TRPM3: variants seen among roughly 807,000 people sequenced by gnomAD.
TRPM3 encodes long transient receptor potential channel 3.
TRPM3 carries 77 observed loss-of-function variants against 181.2 expected under a neutral mutation model. That is an observed-to-expected ratio of 0.42 (90% confidence interval 0.35 to 0.51). The LOEUF is 0.51. Ranked by LOEUF, TRPM3 falls within the 20% of genes least tolerant of loss-of-function variation. The pLI, the probability that TRPM3 is intolerant of heterozygous loss-of-function variation, is 0.01. For missense variants in TRPM3, 1,759 were observed against 2,196.7 expected (o/e 0.80, Z 3.98); for synonymous variants, 745 against 796.4 (o/e 0.94, Z 1.09).
chr9:70,766,736 T>C (rs946758279), intron 7 of TRPM3, among the ~76,000 whole-genome samples: 13 of 152,242 alleles, frequency 8.5e-5, no homozygotes, highest in Admixed American at 8.5e-4. Context: ...CCAAATGTCA[T>C]GACTCTGGTA....
intron 1 of TRPM3, among the ~76,000 whole-genome samples, chr9:71,336,240 G>A (rs1312691792): frequency 6.7e-6 from 1 of 149,766 alleles, no homozygotes; most frequent in Non-Finnish European, 1.5e-5. Context: ...TCCTTAAGCT[G>A]ATAAGCAACT....
At chr9:71,026,481 C>T (rs891693754) in intron 1 of TRPM3, among the ~76,000 whole-genome samples, 1 of 152,200 alleles carries the variant, frequency 6.6e-6, no homozygotes, top group African/African-American at 2.4e-5. Flanking sequence ...TGTACTCGCC[C>T]ATGGCCACCA....
chr9:70,782,199 ATT>A (rs11341566), intron 7 of TRPM3, among the ~76,000 whole-genome samples: 3 of 149,618 alleles, frequency 2.0e-5, no homozygotes, highest in Non-Finnish European at 4.4e-5. Context: ...ACCTTGGTTA[ATT>A]TTTTTTTTCT....
intron 1 of TRPM3, among the ~76,000 whole-genome samples, chr9:70,990,466 T>C (rs1303742591): frequency 6.6e-6 from 1 of 152,156 alleles, no homozygotes; most frequent in Non-Finnish European, 1.5e-5. Flanking sequence ...GATAGAAGCT[T>C]TCAGTTCAAG....
At chr9:71,348,458 T>TA (rs779226789) in intron 1 of TRPM3, among the ~76,000 whole-genome samples, 1 of 402 alleles carries the variant, frequency 2.5e-3, no homozygotes, top group Non-Finnish European at 0.029. Context: ...ACTTTTCCCA[T>TA]TTTTTTTTTT....
intron 1 of TRPM3, chr9:70,917,143 A>C (rs1397553028): frequency 1.2e-6 from 2 of 1,605,726 alleles, no homozygotes; most frequent in Non-Finnish European, 1.7e-6. Context: ...GTTCGGCCAC[A>C]TCTGGGGCAT....
chr9:71,206,510 A>G (rs1224052544), intron 1 of TRPM3, among the ~76,000 whole-genome samples: 2 of 152,090 alleles, frequency 1.3e-5, no homozygotes, highest in African/African-American at 4.8e-5. Flanking sequence ...GACAGACTGC[A>G]AAAATTTTCT....
chr9:71,022,120 C>A (rs1019427907), intron 1 of TRPM3, among the ~76,000 whole-genome samples: 1 of 152,116 alleles, frequency 6.6e-6, no homozygotes, highest in Non-Finnish European at 1.5e-5. Context: ...TGGGAGGATT[C>A]ATTCTACCTG....
chr9:71,265,175 C>T (rs1468846491), intron 1 of TRPM3, among the ~76,000 whole-genome samples: 1 of 152,140 alleles, frequency 6.6e-6, no homozygotes, highest in African/African-American at 2.4e-5. Context: ...TAAAGCCACT[C>T]ATATTACTTA....
chr9:71,109,114 C>T (rs1193945940), intron 1 of TRPM3, among the ~76,000 whole-genome samples: 1 of 152,210 alleles, frequency 6.6e-6, no homozygotes, highest in African/African-American at 2.4e-5. Flanking sequence ...CCTGGTTCTA[C>T]AGCAGACTCG....
chr9:70,957,020 G>T (rs1326610473), intron 1 of TRPM3, among the ~76,000 whole-genome samples: 2 of 149,614 alleles, frequency 1.3e-5, no homozygotes, highest in Non-Finnish European at 3.0e-5. Flanking sequence ...AAGTGCAGTG[G>T]CATGATCTCG....
At chr9:70,746,744 T>C (rs895253419) in intron 8 of TRPM3, among the ~76,000 whole-genome samples, 8 of 152,148 alleles carry the variant, frequency 5.3e-5, no homozygotes, top group African/African-American at 1.7e-4. Flanking sequence ...CCAAGTATGA[T>C]AGATTCCAGA....
chr9:71,417,747 C>T (rs890967365), intron 1 of TRPM3, among the ~76,000 whole-genome samples: 2 of 151,938 alleles, frequency 1.3e-5, no homozygotes, highest in African/African-American at 4.8e-5. Flanking sequence ...ACTAGAAATA[C>T]TCTTTCTAAT....
At chr9:71,409,757 C>T (rs746700253) in intron 1 of TRPM3, among the ~76,000 whole-genome samples, 6 of 152,080 alleles carry the variant, frequency 3.9e-5, no homozygotes, top group Non-Finnish European at 5.9e-5. Flanking sequence ...ACCAAGTGGA[C>T]CTAAGAGACA....
chr9:70,583,375 T>C (rs950808712), intron 22 of TRPM3, among the ~76,000 whole-genome samples: 5 of 152,188 alleles, frequency 3.3e-5, no homozygotes, highest in Admixed American at 6.5e-5. Context: ...AGTGGCCAGG[T>C]TACCTATGAC....
At chr9:70,744,573 A>G (rs1432159367) in intron 8 of TRPM3, among the ~76,000 whole-genome samples, 1 of 152,092 alleles carries the variant, frequency 6.6e-6, no homozygotes, top group Non-Finnish European at 1.5e-5. Flanking sequence ...TTTGGAATGG[A>G]ATTGTGTAAA....
Position 70,625,603 on chromosome 9 carries a change from C to T in TRPM3, c.1633-86G>A. The stretch of plus-strand genomic sequence containing the variant: ...TCAAAATATTTATTCAAGTCTTCAG[C>T]TGGGGAGAAAAAAACACCAGTGTAG... On this transcript the variant is annotated intron_variant, in intron 12 of 25. Coordinates refer to ENST00000677713, the MANE Select transcript of TRPM3 (RefSeq NM_001366145.2). The surrounding 1 kb of genome is among the most constrained non-coding windows in gnomAD (Gnocchi z 4.8). 1 of 1,417,602 alleles carries T rather than the reference C, an allele frequency of 7.1e-7. No individual in the cohort carries two copies. Among genetic ancestry groups the T allele is most frequent in the Non-Finnish European group, 9.8e-7 (1 of 1,021,626 alleles). The allele number at this position is 1,417,602 out of a possible 1,614,324, so 87.8% of individuals were successfully genotyped here.
intron 5 of TRPM3, among the ~76,000 whole-genome samples, chr9:70,842,476 T>C (rs1272981589): frequency 6.6e-6 from 1 of 152,168 alleles, no homozygotes; most frequent in Non-Finnish European, 1.5e-5. Context: ...TTAAGACCAA[T>C]TAATTCTTCG....
At chr9:70,680,043 T>C (rs184031386) in intron 9 of TRPM3, among the ~76,000 whole-genome samples, 225 of 152,258 alleles carry the variant, frequency 1.5e-3, no homozygotes, top group African/African-American at 5.1e-3. Flanking sequence ...ATTCATGGGA[T>C]TGCAAAACTT....
Sources: gnomAD v4.1 joint callset for allele counts (sites outside exome capture counted in the v4.1 genomes callset) on GRCh38, gnomAD v4.1.1 for gene constraint, Gnocchi (gnomAD v3.1) non-coding constraint, MANE v1.5 for transcripts, NCBI Gene and HGNC (gene_info 2026-07-23, HGNC 2026-07-21) for gene names.